The following PCDH7 variants were observed in gnomAD, a reference collection of about 807,000 sequenced individuals.
PCDH7 encodes protocadherin 7.
Under a neutral mutation model 58.9 loss-of-function variants are expected in PCDH7, and 17 were observed. The ratio of observed to expected loss-of-function variants is 0.29; its 90% confidence interval spans 0.20 to 0.43. The LOEUF (loss-of-function observed/expected upper bound fraction) is 0.43. PCDH7 is among the 20% of genes least tolerant of loss of function. The pLI is 1.00. For missense variants in PCDH7, 1,274 were observed against 1,441.0 expected, an observed-to-expected ratio of 0.88 and a Z score of 1.88; for synonymous variants, 664 against 616.4, an observed-to-expected ratio of 1.08 and a Z score of -1.14.
intron 3 of PCDH7, among the ~76,000 whole-genome samples, chr4:30,992,002 G>T (rs1751502732): frequency 6.6e-6 from 1 of 152,130 alleles, no homozygotes; most frequent in African/African-American, 2.4e-5. Context: ...AAATCAAACA[G>T]ATGAATGATC....
At chr4:30,764,677 A>G (rs1179236314) in intron 1 of PCDH7, among the ~76,000 whole-genome samples, 1 of 151,156 alleles carries the variant, frequency 6.6e-6, no homozygotes, top group Non-Finnish European at 1.5e-5. Flanking sequence ...ATTCTACCTA[A>G]TGCACACAAT....
rs10692198 is a variant in PCDH7 at position 30,765,125 on chromosome 4, C to CTTTTTTTTTTTTTTTTTTT, written c.70+40537_70+40555dup. Among the ~76,000 whole-genome samples the CTTTTTTTTTTTTTTTTTTT allele has an allele frequency of 3.7e-4, 18 of 49,214 alleles. 4 individuals carry two copies. Among genetic ancestry groups the CTTTTTTTTTTTTTTTTTTT allele is most frequent in the Non-Finnish European group, 4.7e-4 (13 of 27,750 alleles). 32.3% of individuals were successfully genotyped at this position (49,214 alleles called of 152,430 possible). ...GGAAAGAGAGATAGGACTTCAGATGCTTTTTTTTTTTTTTTTTTTTTTTTT... is the reference window on the plus strand; with the variant it reads ...GGAAAGAGAGATAGGACTTCAGATGCTTTTTTTTTTTTTTTTTTTTTTTTTTTTTTTTTTTTTTTTTTTT... On this transcript the variant is annotated intron_variant, in intron 1 of 3. Coordinates refer to the PCDH7 transcript ENST00000509759.
intron 3 of PCDH7, among the ~76,000 whole-genome samples, chr4:31,017,300 T>C (rs1753692783): frequency 6.6e-6 from 1 of 152,198 alleles, no homozygotes; most frequent in South Asian, 2.1e-4. Flanking sequence ...TAGTTATTCT[T>C]ATTTTTTTAA....
chr4:30,925,484 T>C (rs1022304642), intron 2 of PCDH7, among the ~76,000 whole-genome samples: 1 of 152,222 alleles, frequency 6.6e-6, no homozygotes, highest in African/African-American at 2.4e-5. Context: ...TTTAATGGCA[T>C]AAGCACAATA....
intron 3 of PCDH7, among the ~76,000 whole-genome samples, chr4:30,972,477 G>A (rs1749679074): frequency 6.6e-6 from 1 of 152,142 alleles, no homozygotes; most frequent in African/African-American, 2.4e-5. Context: ...ACAAAAAATA[G>A]TCGAATGAAG....
intron 1 of PCDH7, among the ~76,000 whole-genome samples, chr4:30,729,430 T>C (rs567945333): frequency 4.6e-5 from 7 of 152,122 alleles, no homozygotes; most frequent in African/African-American, 1.7e-4. Flanking sequence ...TACAGAATTT[T>C]AAAGAAGTTA....
At chr4:30,924,817 G>GAAA (rs35532582) in intron 2 of PCDH7, among the ~76,000 whole-genome samples, 5 of 147,196 alleles carry the variant, frequency 3.4e-5, no homozygotes, top group Non-Finnish European at 3.0e-5. Context: ...GAGTACAAAT[G>GAAA]AAAAAAAAAA....
chr4:30,841,675 T>C (rs1731237076), intron 1 of PCDH7, among the ~76,000 whole-genome samples: 1 of 152,060 alleles, frequency 6.6e-6, no homozygotes, highest in South Asian at 2.1e-4. Flanking sequence ...CCCCTGTATA[T>C]GTGAAAATGT....
intron 3 of PCDH7, among the ~76,000 whole-genome samples, chr4:31,084,698 G>A (rs1351779157): frequency 1.7e-5 from 2 of 115,168 alleles, no homozygotes; most frequent in Non-Finnish European, 3.6e-5. Flanking sequence ...GGGGAGGGAA[G>A]GGGAAAAGGG....
intron 1 of PCDH7, among the ~76,000 whole-genome samples, chr4:30,791,247 G>A (rs1468233138): frequency 6.6e-6 from 1 of 152,098 alleles, no homozygotes; most frequent in African/African-American, 2.4e-5. Flanking sequence ...AGAGTGCAGT[G>A]TCTGGAATTC....
At chr4:30,868,455 G>A (rs1468975562) in intron 1 of PCDH7, among the ~76,000 whole-genome samples, 1 of 152,066 alleles carries the variant, frequency 6.6e-6, no homozygotes. Context: ...CAGGCGTTGT[G>A]TATGTTCTGA....
chr4:31,001,995 A>G (rs564539397), intron 3 of PCDH7, among the ~76,000 whole-genome samples: 3 of 152,312 alleles, frequency 2.0e-5, no homozygotes, highest in Non-Finnish European at 4.4e-5. Context: ...ATAATGGATC[A>G]AATACGCTGA....
At chr4:30,751,183 C>T (rs952111405) in intron 1 of PCDH7, among the ~76,000 whole-genome samples, 1 of 152,204 alleles carries the variant, frequency 6.6e-6, no homozygotes, top group Admixed American at 6.5e-5. Context: ...CTTCCAACTT[C>T]TATAACCTTG....
chr4:31,083,001 G>T (rs534150197), intron 3 of PCDH7, among the ~76,000 whole-genome samples: 1 of 152,182 alleles, frequency 6.6e-6, no homozygotes, highest in South Asian at 2.1e-4. Context: ...CCAGCTACTC[G>T]GGAGGCTGAG....
At chr4:31,066,550 C>A (rs1017241380) in intron 3 of PCDH7, among the ~76,000 whole-genome samples, 2 of 151,860 alleles carry the variant, frequency 1.3e-5, no homozygotes, top group Non-Finnish European at 2.9e-5. Context: ...AAGCCACATT[C>A]GCAAACTTAC....
chr4:30,885,996 T>C (rs903568155), intron 1 of PCDH7, among the ~76,000 whole-genome samples: 2 of 151,344 alleles, frequency 1.3e-5, no homozygotes, highest in African/African-American at 4.8e-5. Flanking sequence ...GACTTAAACG[T>C]TAGACCTAAA....
At chr4:30,840,989 C>T (rs928286030) in intron 1 of PCDH7, among the ~76,000 whole-genome samples, 1 of 151,798 alleles carries the variant, frequency 6.6e-6, no homozygotes, top group Non-Finnish European at 1.5e-5. Flanking sequence ...GATTCTTTTG[C>T]AAAAGCATTT....
At chr4:31,003,622 T>C (rs886615201) in intron 3 of PCDH7, among the ~76,000 whole-genome samples, 6 of 152,060 alleles carry the variant, frequency 3.9e-5, no homozygotes, top group Admixed American at 3.3e-4. Context: ...AGGTTCCGAT[T>C]TGGGGCCAGG....
chr4:31,060,893 T>C (rs1355807623), intron 3 of PCDH7, among the ~76,000 whole-genome samples: 1 of 151,766 alleles, frequency 6.6e-6, no homozygotes, highest in African/African-American at 2.4e-5. Context: ...GCATCTATTT[T>C]TGCATTAAAT....
Sources: allele counts gnomAD v4.1 joint callset (sites outside exome capture counted in the v4.1 genomes callset), GRCh38; gene constraint gnomAD v4.1.1; transcripts MANE v1.5; gene names NCBI Gene and HGNC (gene_info 2026-07-23, HGNC 2026-07-21).